KATNB1: variants seen among roughly 807,000 people sequenced by gnomAD.
KATNB1 encodes the protein katanin p80 WD40 repeat-containing subunit B1.
A neutral mutation model predicts 82.3 loss-of-function variants in KATNB1; 38 were observed. That is an observed-to-expected ratio of 0.46 (90% CI 0.36 to 0.61). KATNB1 has a LOEUF of 0.61. Ranked by LOEUF, KATNB1 falls within the 20% of genes least tolerant of loss-of-function variation. The pLI is 0.00. For synonymous variants in KATNB1, 361 were observed against 368.7 expected (o/e 0.98, Z 0.24); for missense variants, 749 against 915.7 (o/e 0.82, Z 2.35).
At chr16:57,752,952 G>GC (rs782053525) in intron 10 of KATNB1, 24 bp downstream of exon 10, 2 of 1,598,150 alleles carry the variant, frequency 1.3e-6, no homozygotes, top group Non-Finnish European at 8.5e-7. Flanking sequence ...GGCACCCACC[G>GC]CCCCCCACTC....
intron 3 of KATNB1, among the ~76,000 whole-genome samples, chr16:57,743,182 A>G (rs1173277610): frequency 6.6e-6 from 1 of 152,204 alleles, no homozygotes; most frequent in Non-Finnish European, 1.5e-5. Flanking sequence ...AGTCCCAGCT[A>G]CTCAGGAGGC....
Position 57,756,452 on chromosome 16 carries a change from G to A in KATNB1, c.1815G>A (p.Val605=). Residue 605 remains valine, a synonymous_variant, in exon 19 of 20, where the codon GTG becomes GTA. Coordinates refer to ENST00000379661, the MANE Select transcript of KATNB1 (RefSeq NM_005886.3). ...DMLAAPPSVG[V]DISREERLHK... The stretch of plus-strand genomic sequence containing the variant: ...TGGCGGCCCCACCCTCTGTGGGTGT[G>A]GATATCAGCAGGGAGGAGAGGTGAG... 1 of 1,613,680 alleles carries A rather than the reference G, an allele frequency of 6.2e-7. No homozygotes were observed. Among genetic ancestry groups the A allele is most frequent in the Non-Finnish European group, 8.5e-7 (1 of 1,179,994 alleles).
At chr16:57,736,554 A>G (rs2965777) in intron 1 of KATNB1, among the ~76,000 whole-genome samples, 82,804 of 152,004 alleles carry the variant, frequency 0.54, 24,821 homozygotes, top group African/African-American at 0.8. Flanking sequence ...ATTCTTTCCA[A>G]GGAGGACTTC....
At chr16:57,739,075 C>A (rs576963323) in intron 2 of KATNB1, among the ~76,000 whole-genome samples, 1 of 152,202 alleles carries the variant, frequency 6.6e-6, no homozygotes, top group African/African-American at 2.4e-5. Context: ...TGGGCAGTGG[C>A]ACAGCAGCAG....
chr16:57,755,719 C>G, intron 16 of KATNB1, 122 bp from the exon 17 acceptor site: 3 of 1,011,156 alleles, frequency 3.0e-6, no homozygotes, highest in Non-Finnish European at 4.3e-6. Flanking sequence ...GCGTTAGGTG[C>G]AGTGCTGAAT....
intron 4 of KATNB1, among the ~76,000 whole-genome samples, chr16:57,750,331 TG>T (rs2049216494): frequency 1.3e-5 from 2 of 152,090 alleles, no homozygotes; most frequent in Admixed American, 6.5e-5. Flanking sequence ...AAGAGAAATG[TG>T]GGAAAATTAG....
chr16:57,755,560 C>G lies in KATNB1; in HGVS notation c.1566+66C>G, dbSNP rs77524524. 20,572 of 1,572,814 alleles carry G rather than the reference C, an allele frequency of 0.013. 337 individuals are homozygous for G. The highest frequency in any genetic ancestry group is 0.075 in the African/African-American group (5,565 of 74,290). On this transcript the variant is annotated intron_variant, in intron 16 of 19. Transcript: ENST00000379661. ...TGCCCCTGCCACCTGCCTGCCCGGG[C>G]TTGGGGCAGAACAAGAAGAGGCCAC...
rs1555587187 is a variant in KATNB1 at position 57,756,964 on chromosome 16, G to A, written c.*18G>A. 6.7e-7 allele frequency: 1 copy of A among 1,499,858 alleles called. No individual in the cohort carries two copies. 92.9% of individuals were successfully genotyped at this position (1,499,858 alleles called of 1,614,324 possible). A position where few individuals can be genotyped will look rare whatever the true frequency, so the allele number is the denominator to read the frequency against. On this transcript the variant is annotated 3_prime_UTR_variant, in exon 20 of 20. Transcript: ENST00000379661. Reference sequence around the variant, plus strand: ...TGGACTGAGGAAAGCAGTGGGCAGGGGCGCTCGGCAGCCCACAGGGCCTGG... The same window carrying A: ...TGGACTGAGGAAAGCAGTGGGCAGGAGCGCTCGGCAGCCCACAGGGCCTGG...
chr16:57,736,768 C>G, intron 1 of KATNB1: 1 of 345,672 alleles, frequency 2.9e-6, no homozygotes, highest in Non-Finnish European at 5.7e-6. Context: ...TTATCCTGGC[C>G]TCTGGGAGGA....
At chr16:57,752,721 G>A (rs1207954300) in intron 9 of KATNB1, 57 bp from the exon 10 acceptor site, 34 of 1,584,078 alleles carry the variant, frequency 2.1e-5, no homozygotes, top group South Asian at 3.4e-5. Context: ...TGGATTCCTC[G>A]GGGTGGGGAC....
chr16:57,743,500 G>C lies in KATNB1; in HGVS notation c.172-894G>C, dbSNP rs2049158328. On this transcript the variant is annotated intron_variant, in intron 3 of 19. Transcript: ENST00000379661. ...TTTTCTACCCCCATGAAATGCCAAAGTAGTAGCATACACAAGTTGAAAAAG... is the reference window on the plus strand; with the variant it reads ...TTTTCTACCCCCATGAAATGCCAAACTAGTAGCATACACAAGTTGAAAAAG... Among the ~76,000 whole-genome samples the C allele has an allele frequency of 2.0e-5, 3 of 152,322 alleles. No homozygotes were observed. The South Asian group carries it at 6.2e-4, about 32-fold the overall frequency.
At position 57,756,674 on chromosome 16, in the gene KATNB1, C is replaced by T. The variant is rs1401424440; in HGVS notation, c.1836-140C>T. The T allele has an allele frequency of 8.7e-6, 12 of 1,372,192 alleles. No homozygotes were observed. In the East Asian group the frequency reaches 2.0e-4, roughly 23 times the overall value. 85.0% of individuals were successfully genotyped at this position (1,372,192 alleles called of 1,614,324 possible). A position where few individuals can be genotyped will look rare whatever the true frequency, so the allele number is the denominator to read the frequency against. On this transcript the variant is annotated intron_variant, in intron 19 of 19. Coordinates refer to ENST00000379661, the MANE Select transcript of KATNB1 (RefSeq NM_005886.3). ...GCCTGGCTGTGCCCACAATCCCTGGCAGGGCCTGGGTGGTTCCCCTCTGGG... is the reference window on the plus strand; with the variant it reads ...GCCTGGCTGTGCCCACAATCCCTGGTAGGGCCTGGGTGGTTCCCCTCTGGG...
At chr16:57,739,835 C>T (rs530385372) in intron 2 of KATNB1, among the ~76,000 whole-genome samples, 59 of 152,292 alleles carry the variant, frequency 3.9e-4, no homozygotes, top group African/African-American at 1.4e-3. Context: ...AGGCCTAGAA[C>T]AGGCACCCAG....
chr16:57,738,450 T>A (rs144664064), intron 2 of KATNB1, among the ~76,000 whole-genome samples: 2 of 152,028 alleles, frequency 1.3e-5, no homozygotes, highest in Admixed American at 1.3e-4. Flanking sequence ...GAGACGGGGT[T>A]TCACCATGTT....
At chr16:57,756,726 C>G in intron 19 of KATNB1, 88 bp from the exon 20 acceptor site, 1 of 1,451,506 alleles carries the variant, frequency 6.9e-7, no homozygotes, top group Non-Finnish European at 9.1e-7. Flanking sequence ...GGAGGAAGGG[C>G]TGGAGCAGTT....
Position 57,756,349 on chromosome 16 carries a change from C to G in KATNB1, c.1719-7C>G, listed in dbSNP as rs782711447. 8.1e-6 allele frequency: 13 copies of G among 1,612,002 alleles called. No individual in the cohort carries two copies. The highest frequency in any genetic ancestry group is 1.3e-5 in the African/African-American group (1 of 74,866). On this transcript the variant is annotated splice_polypyrimidine_tract_variant and splice_region_variant and intron_variant, in intron 18 of 19. Transcript: ENST00000379661. ...CCATCTGTGACTTCATCCATCTCCC[C>G]CTAAAGCTACGTCCAGACGGGCTGC...
rs556118912 is a variant in KATNB1 at position 57,737,305 on chromosome 16, T to G, written c.40+22T>G. 3.1e-6 allele frequency: 5 copies of G among 1,613,972 alleles called. No individual in the cohort carries two copies. The South Asian group carries it at 5.5e-5, about 18-fold the overall frequency. ...TTGCGTGAGTGGTTTTCATTTTTCT[T>G]TATCACCCCATTTATTCTGTTAGCG... is the stretch of plus-strand genomic sequence containing the variant. On this transcript the variant is annotated intron_variant, in intron 2 of 19. Transcript: ENST00000379661.
At chr16:57,750,027 C>T (rs937149221) in intron 4 of KATNB1, among the ~76,000 whole-genome samples, 89 of 152,216 alleles carry the variant, frequency 5.8e-4, no homozygotes, top group African/African-American at 2.0e-3. Context: ...CTAACAGCAT[C>T]CCTCATCCTC....
chr16:57,750,816 C>T lies in KATNB1; in HGVS notation c.290-11C>T. The T allele has an allele frequency of 1.2e-6, 2 of 1,612,018 alleles. No homozygotes were observed. The highest frequency in any genetic ancestry group is 1.7e-6 in the Non-Finnish European group (2 of 1,178,022). On this transcript the variant is annotated splice_polypyrimidine_tract_variant and intron_variant, in intron 4 of 19. Coordinates refer to ENST00000379661, the MANE Select transcript of KATNB1 (RefSeq NM_005886.3). ...CCTCTTAGCCACTGTCTCTGCTTTC[C>T]TTCTTGTTAGTTCTTCGCACACTCA...
Sources: gnomAD v4.1 joint callset for allele counts (sites outside exome capture counted in the v4.1 genomes callset) on GRCh38, gnomAD v4.1.1 for gene constraint, MANE v1.5 for transcripts, NCBI Gene and HGNC (gene_info 2026-07-23, HGNC 2026-07-21) for gene names.